PTPRM: variants seen among roughly 807,000 people sequenced by gnomAD.
PTPRM encodes the protein protein tyrosine phosphatase receptor type M.
PTPRM carries 47 observed loss-of-function variants against 186.7 expected under a neutral mutation model. The observed-to-expected ratio is 0.25, with a 90% CI of 0.20 to 0.32. The LOEUF is 0.32. Among genes scored for constraint, PTPRM ranks in the 10% least tolerant of loss-of-function variants. PTPRM has a pLI of 1.00. For synonymous variants in PTPRM, 668 were observed against 674.9 expected (o/e 0.99, Z 0.16); for missense variants, 1,494 against 1,865.0 (o/e 0.80, Z 3.66).
chr18:7,830,866 G>A (rs7234492), intron 2 of PTPRM, among the ~76,000 whole-genome samples: 3,548 of 152,180 alleles, frequency 0.023, 143 homozygotes, highest in African/African-American at 0.081. Context: ...TTCCCTTTTG[G>A]ATTAACGTAG....
In PTPRM at chr18:7,827,981, G is replaced by T. The variant is rs1416694409; in HGVS notation, c.196+53710G>T. Among the ~76,000 whole-genome samples, 3 of 152,332 alleles carry T rather than the reference G, an allele frequency of 2.0e-5. No individual in the cohort carries two copies. The South Asian group carries it at 6.2e-4, about 32-fold the overall frequency. ...ATGACCACAGGCGGTTCATCATCTG[G>T]AGCAGTGTGAGAGTGGCTGACATGA... On this transcript the variant is annotated intron_variant, in intron 2 of 32. Coordinates refer to ENST00000580170, the MANE Select transcript of PTPRM (RefSeq NM_001105244.2).
intron 2 of PTPRM, among the ~76,000 whole-genome samples, chr18:7,802,868 A>T (rs1035029430): frequency 2.9e-4 from 44 of 152,336 alleles, no homozygotes; most frequent in African/African-American, 1.0e-3. Context: ...ACTCAAATGT[A>T]AAAAAACTCA....
intron 1 of PTPRM, among the ~76,000 whole-genome samples, chr18:7,708,185 C>T (rs573412363): frequency 6.6e-6 from 1 of 152,188 alleles, no homozygotes; most frequent in East Asian, 1.9e-4. Flanking sequence ...GGTACCATGT[C>T]CAGCTTTTAC....
intron 7 of PTPRM, among the ~76,000 whole-genome samples, chr18:7,956,622 T>C (rs1441239152): frequency 6.6e-6 from 1 of 152,230 alleles, no homozygotes; most frequent in Non-Finnish European, 1.5e-5. Flanking sequence ...GCAGGCAGTC[T>C]GGTCCCTGGA....
At chr18:8,251,179 C>T (rs954444480) in intron 17 of PTPRM, among the ~76,000 whole-genome samples, 1 of 152,146 alleles carries the variant, frequency 6.6e-6, no homozygotes, top group Non-Finnish European at 1.5e-5. Flanking sequence ...ATACCTAGCC[C>T]TGGGATCAGA....
rs541273919 is a variant in PTPRM, at chr18:7,964,444, T to TTTG, written c.1132+9045_1132+9047dup. ...TCTTAATCCTTCTGGTCAGTGTTTT[T>TTTG]TTGTTGTTGTTGTTGTTTGTTTGTT... On this transcript the variant is annotated intron_variant, in intron 7 of 32. Coordinates refer to ENST00000580170, the MANE Select transcript of PTPRM (RefSeq NM_001105244.2). Among the ~76,000 whole-genome samples the TTTG allele has an allele frequency of 2.8e-3, 423 of 152,276 alleles. 1 individual carries two copies. Among genetic ancestry groups the TTTG allele is most frequent in the African/African-American group, 9.2e-3 (382 of 41,560 alleles).
chr18:7,964,079 T>C (rs1338895007), intron 7 of PTPRM, among the ~76,000 whole-genome samples: 1 of 152,248 alleles, frequency 6.6e-6, no homozygotes, highest in East Asian at 1.9e-4. Context: ...TAATTTTTTA[T>C]TAGAGCACAT....
chr18:8,139,720 C>T (rs2092719789), intron 13 of PTPRM, among the ~76,000 whole-genome samples: 2 of 152,162 alleles, frequency 1.3e-5, no homozygotes, highest in Admixed American at 1.3e-4. Flanking sequence ...TTTCAGGTCT[C>T]TGCTCGAATG....
chr18:7,848,675 A>G (rs894333788), intron 2 of PTPRM, among the ~76,000 whole-genome samples: 1 of 151,988 alleles, frequency 6.6e-6, no homozygotes, highest in African/African-American at 2.4e-5. Context: ...GGACAGGAGG[A>G]TTGCTTGAGT....
At chr18:8,096,160 G>A (rs1015757243) in intron 11 of PTPRM, among the ~76,000 whole-genome samples, 1 of 152,210 alleles carries the variant, frequency 6.6e-6, no homozygotes, top group Admixed American at 6.5e-5. Flanking sequence ...AAGCTAGAGT[G>A]TGAAATGCTT....
intron 4 of PTPRM, among the ~76,000 whole-genome samples, chr18:7,924,360 A>C: frequency 6.6e-6 from 1 of 152,226 alleles, no homozygotes; most frequent in Non-Finnish European, 1.5e-5. Context: ...AAATAGATTT[A>C]TTAGAAGAAA....
At chr18:7,938,306 TA>T (rs2051956010) in intron 5 of PTPRM, among the ~76,000 whole-genome samples, 1 of 152,314 alleles carries the variant, frequency 6.6e-6, no homozygotes, top group South Asian at 2.1e-4. Context: ...AGAAGAGTTG[TA>T]TATTTTAAGG....
chr18:7,809,576 G>A (rs1267903176), intron 2 of PTPRM, among the ~76,000 whole-genome samples: 1 of 152,056 alleles, frequency 6.6e-6, no homozygotes, highest in Admixed American at 6.5e-5. Flanking sequence ...GGTCCTCCAC[G>A]TGGCCACTGC....
chr18:7,880,025 C>A (rs545544166), intron 2 of PTPRM, among the ~76,000 whole-genome samples: 2 of 152,058 alleles, frequency 1.3e-5, no homozygotes, highest in South Asian at 4.2e-4. Flanking sequence ...GAGAGAAGTG[C>A]CAAGCAGAGG....
chr18:8,275,208 G>A (rs942344851), intron 19 of PTPRM, among the ~76,000 whole-genome samples: 1 of 152,160 alleles, frequency 6.6e-6, no homozygotes, highest in South Asian at 2.1e-4. Flanking sequence ...GGAGGCCAAG[G>A]CCGGGGAATC....
intron 2 of PTPRM, among the ~76,000 whole-genome samples, chr18:7,869,687 C>T (rs2047892508): frequency 6.6e-6 from 1 of 152,128 alleles, no homozygotes; most frequent in Admixed American, 6.6e-5. Flanking sequence ...TTTAAGCTTC[C>T]CAAGGAAAGC....
intron 13 of PTPRM, among the ~76,000 whole-genome samples, chr18:8,125,990 TATATATATATATATATATA>T (rs2092330438): frequency 2.0e-4 from 2 of 9,976 alleles, no homozygotes; most frequent in African/African-American, 6.2e-4. Context: ...TATATATATA[TATATATATATATATATATA>T]TATATATATA....
Position 7,616,852 on chromosome 18 carries a change from G to A in PTPRM, c.73+48961G>A, listed in dbSNP as rs545164180. ...CACTCGCATGGCCAAGCTGATCCTG[G>A]TGTCTGTTGTTTGTCTGGCCTGCTC... On this transcript the variant is annotated intron_variant, in intron 1 of 32. Coordinates refer to ENST00000580170, the MANE Select transcript of PTPRM (RefSeq NM_001105244.2). Among the ~76,000 whole-genome samples the A allele has an allele frequency of 5.3e-5, 8 of 152,240 alleles. No individual in the cohort carries two copies. The East Asian group carries it at 1.4e-3, about 26-fold the overall frequency.
intron 1 of PTPRM, among the ~76,000 whole-genome samples, chr18:7,686,567 T>A (rs1250406699): frequency 6.9e-6 from 1 of 145,216 alleles, no homozygotes; most frequent in Non-Finnish European, 1.5e-5. Flanking sequence ...GAAAACGGAT[T>A]GCCAAAAAAA....
Sources: allele counts gnomAD v4.1 joint callset (sites outside exome capture counted in the v4.1 genomes callset), GRCh38; gene constraint gnomAD v4.1.1; transcripts MANE v1.5; gene names NCBI Gene and HGNC (gene_info 2026-07-23, HGNC 2026-07-21).